The following SLC11A2 variants were observed in gnomAD, a reference collection of about 807,000 sequenced individuals.
SLC11A2 encodes the protein solute carrier family 11 member 2.
A neutral mutation model predicts 68.0 loss-of-function variants in SLC11A2; 38 were observed. The observed-to-expected ratio is 0.56, with a 90% CI of 0.43 to 0.73. The LOEUF is 0.73. SLC11A2 is among the 30% of genes least tolerant of loss of function. The pLI is 0.00. For missense variants in SLC11A2, 517 were observed against 690.5 expected (o/e 0.75, Z 2.82); for synonymous variants, 242 against 250.6 (o/e 0.97, Z 0.32).
At position 51,016,838 on chromosome 12, in the gene SLC11A2, ACT is replaced by A. The variant is rs1200994557; in HGVS notation, c.-38-6074_-38-6073del. Among the ~76,000 whole-genome samples, 38 of 130,242 alleles carry A rather than the reference ACT, an allele frequency of 2.9e-4. 1 individual carries two copies. The South Asian group carries it at 0.01, about 36-fold the overall frequency. The allele number at this position is 130,242 out of a possible 152,430, so 85.4% of individuals were successfully genotyped here. ...CTCCAGCCTGGGTGACAAGAGCAAAACTCTGTCTCAAAAAAAAAAAAAAAAAA... is the reference window on the plus strand; with the variant it reads ...CTCCAGCCTGGGTGACAAGAGCAAAACTGTCTCAAAAAAAAAAAAAAAAAA... On this transcript the variant is annotated intron_variant, in intron 1 of 15. Coordinates refer to ENST00000262052, the MANE Select transcript of SLC11A2 (RefSeq NM_000617.3).
the SLC11A2 span, among the ~76,000 whole-genome samples, chr12:50,955,794 T>C: frequency 6.6e-6 from 1 of 152,334 alleles, no homozygotes; most frequent in Non-Finnish European, 1.5e-5. Context: ...GAAAACTCAA[T>C]GCTACTTGAA....
chr12:50,994,285 G>T (rs1941489598), intron 11 of SLC11A2, among the ~76,000 whole-genome samples: 2 of 152,132 alleles, frequency 1.3e-5, no homozygotes, highest in South Asian at 4.1e-4. Context: ...GAGCTCAAGT[G>T]ATCCACCCGC....
In SLC11A2 at chr12:51,025,664, C is replaced by T. The variant is rs576859791; in HGVS notation, c.-39+646G>A. 4.4e-5 allele frequency: 30 copies of T among 689,134 alleles called. No individual in the cohort carries two copies. In the African/African-American group the frequency reaches 5.2e-4, roughly 12 times the overall value. 42.7% of individuals were successfully genotyped at this position (689,134 alleles called of 1,614,324 possible). ...ACGCACAGCTGGGAGAGCCATCCAGCCCACTTACATATGTGCAATATCCCC... is the reference window on the plus strand; with the variant it reads ...ACGCACAGCTGGGAGAGCCATCCAGTCCACTTACATATGTGCAATATCCCC... On this transcript the variant is annotated intron_variant, in intron 1 of 15. Coordinates refer to ENST00000262052, the MANE Select transcript of SLC11A2 (RefSeq NM_000617.3).
the SLC11A2 span, among the ~76,000 whole-genome samples, chr12:50,958,872 C>G: frequency 1.3e-5 from 2 of 151,318 alleles, no homozygotes; most frequent in African/African-American, 4.8e-5. Flanking sequence ...CAAAAGTTGG[C>G]CAGGTGTGGT....
Position 50,987,784 on chromosome 12 carries a change from A to G in SLC11A2, c.*541T>C. On this transcript the variant is annotated 3_prime_UTR_variant, in exon 16 of 16. Transcript: ENST00000262052. ...AAGTTCAAAGAATCCTAAGCCTGAT[A>G]GAGCTAGGTGTCTCTTCATTTTATA... 7 of 1,284,880 alleles carry G rather than the reference A, an allele frequency of 5.4e-6. No individual in the cohort carries two copies. The highest frequency in any genetic ancestry group is 7.1e-6 in the Non-Finnish European group (7 of 987,750). 79.6% of individuals were successfully genotyped at this position (1,284,880 alleles called of 1,614,324 possible). A position where few individuals can be genotyped will look rare whatever the true frequency, so the allele number is the denominator to read the frequency against.
rs1229205195 is a variant in SLC11A2 at position 50,987,672 on chromosome 12, G to A, written c.*653C>T. On this transcript the variant is annotated 3_prime_UTR_variant, in exon 16 of 16. Coordinates refer to ENST00000262052, the MANE Select transcript of SLC11A2 (RefSeq NM_000617.3). ...TAATTAGTAAGCACCACCTAGCGAT[G>A]TGGTGCTGGTTTTGTTAGTTGTCAG... The A allele has an allele frequency of 7.8e-7, 1 of 1,287,154 alleles. No individual in the cohort carries two copies. The highest frequency in any genetic ancestry group is 1.2e-5 in the South Asian group (1 of 80,936). The allele number at this position is 1,287,154 out of a possible 1,614,324, so 79.7% of individuals were successfully genotyped here.
chr12:50,963,881 C>T, the SLC11A2 span, among the ~76,000 whole-genome samples: 2 of 152,184 alleles, frequency 1.3e-5, no homozygotes, highest in Admixed American at 1.3e-4. Context: ...GTCAACTTGA[C>T]ATCCATATAT....
chr12:51,018,428 C>A (rs1943813811), intron 1 of SLC11A2, among the ~76,000 whole-genome samples: 1 of 149,882 alleles, frequency 6.7e-6, no homozygotes, highest in South Asian at 2.1e-4. Context: ...CAGAAAACTG[C>A]CCCTAAGAAA....
At chr12:50,996,705 C>T in intron 9 of SLC11A2, 112 bp downstream of exon 9, 1 of 1,077,432 alleles carries the variant, frequency 9.3e-7, no homozygotes, top group Non-Finnish European at 1.4e-6. Flanking sequence ...TTGGAAAATA[C>T]CTTGCTCCTT....
downstream of SLC11A2, among the ~76,000 whole-genome samples, chr12:50,975,207 G>T (rs750390341): frequency 2.0e-5 from 3 of 152,048 alleles, no homozygotes; most frequent in African/African-American, 7.3e-5. Context: ...GCACCACACT[G>T]CACTTACTCC....
intron 1 of SLC11A2, among the ~76,000 whole-genome samples, chr12:51,019,320 C>G (rs1376849777): frequency 6.6e-6 from 1 of 152,172 alleles, no homozygotes; most frequent in Non-Finnish European, 1.5e-5. Flanking sequence ...CTAAAATTCT[C>G]TTTTCCCTAA....
At chr12:50,999,113 C>T in intron 8 of SLC11A2, 61 bp downstream of exon 8, 1 of 1,244,426 alleles carries the variant, frequency 8.0e-7, no homozygotes, top group African/African-American at 1.5e-5. Context: ...TAATAAAAGG[C>T]TAAAAAAAAA....
intron 1 of SLC11A2, among the ~76,000 whole-genome samples, chr12:51,019,635 T>C (rs1287430107): frequency 6.6e-6 from 1 of 151,464 alleles, no homozygotes; most frequent in Non-Finnish European, 1.5e-5. Context: ...ATCAAAAATA[T>C]CCATCCAACT....
chr12:51,000,985 C>T (rs996027737), intron 5 of SLC11A2, among the ~76,000 whole-genome samples: 7 of 151,678 alleles, frequency 4.6e-5, no homozygotes, highest in Admixed American at 3.3e-4. Flanking sequence ...GCCAACATGG[C>T]GAAACCCCGT....
At chr12:50,974,119 A>C in the SLC11A2 span, among the ~76,000 whole-genome samples, 122 of 152,198 alleles carry the variant, frequency 8.0e-4, no homozygotes, top group Middle Eastern at 3.4e-3. Flanking sequence ...CCAACATTCA[A>C]ATTCAGGAAA....
downstream of SLC11A2, among the ~76,000 whole-genome samples, chr12:50,975,187 A>T (rs1334200342): frequency 2.0e-5 from 3 of 152,222 alleles, no homozygotes; most frequent in African/African-American, 7.2e-5. Flanking sequence ...CAGAATATAC[A>T]TTCTTCTCAG....
At chr12:50,976,127 C>T (rs1443814251), downstream of SLC11A2, among the ~76,000 whole-genome samples, 5 of 152,198 alleles carry the variant, frequency 3.3e-5, no homozygotes, top group African/African-American at 1.2e-4. Flanking sequence ...AGGGAATCCT[C>T]CCTAACTCAT....
chr12:51,015,162 TA>T (rs35686853), intron 1 of SLC11A2, among the ~76,000 whole-genome samples: 123,267 of 136,888 alleles, frequency 0.9, 55,337 homozygotes, highest in East Asian at 0.97. Context: ...TCCGTCTCAT[TA>T]AAAAAAAAAA....
At chr12:51,026,065 C>A in intron 1 of SLC11A2, 2 of 1,096,282 alleles carry the variant, frequency 1.8e-6, no homozygotes, top group South Asian at 4.3e-5. Context: ...GAGACCCCCG[C>A]GACCTCCGGC....
Sources: gnomAD v4.1 joint callset for allele counts (sites outside exome capture counted in the v4.1 genomes callset) on GRCh38, gnomAD v4.1.1 for gene constraint, MANE v1.5 for transcripts, NCBI Gene and HGNC (gene_info 2026-07-23, HGNC 2026-07-21) for gene names.